The following VAC14 variants were observed in gnomAD, a reference collection of about 807,000 sequenced individuals.
VAC14 encodes VAC14 component of PIKFYVE complex.
A neutral mutation model predicts 85.3 loss-of-function variants in VAC14; 47 were observed. That is an observed-to-expected ratio of 0.55 (90% confidence interval 0.44 to 0.70). The LOEUF is 0.70. Among genes scored for constraint, VAC14 ranks in the 30% least tolerant of loss-of-function variants. VAC14 has a pLI of 0.00. For synonymous variants in VAC14, 447 were observed against 430.5 expected (o/e 1.04, Z -0.47); for missense variants, 861 against 1,004.3 (o/e 0.86, Z 1.93).
chr16:70,757,840 T>C (rs1163299395), intron 12 of VAC14, among the ~76,000 whole-genome samples: 1 of 152,222 alleles, frequency 6.6e-6, no homozygotes, highest in Non-Finnish European at 1.5e-5. Flanking sequence ...TTCATCCTTA[T>C]AACAAACCTG....
intron 12 of VAC14, among the ~76,000 whole-genome samples, chr16:70,754,806 A>G (rs1258448102): frequency 6.6e-6 from 1 of 152,068 alleles, no homozygotes; most frequent in Non-Finnish European, 1.5e-5. Flanking sequence ...GTGGGGGTGG[A>G]GGGGTGTTTT....
At chr16:70,756,200 C>A (rs534302886) in intron 12 of VAC14, 3 of 425,450 alleles carry the variant, frequency 7.1e-6, no homozygotes, top group East Asian at 7.0e-5. Flanking sequence ...GGCAGCCTCA[C>A]CCCAGCTCTG....
chr16:70,706,783 C>T (rs1381288533), intron 14 of VAC14, among the ~76,000 whole-genome samples: 19 of 152,232 alleles, frequency 1.2e-4, no homozygotes, highest in Admixed American at 1.2e-3. Context: ...TGAACCACCA[C>T]GCCTGGATAG....
intron 14 of VAC14, chr16:70,731,246 G>A: frequency 8.1e-7 from 1 of 1,239,020 alleles, no homozygotes; most frequent in Non-Finnish European, 1.0e-6. Context: ...GGGGAAGATA[G>A]TAACTCAGGA....
At chr16:70,772,329 C>A in intron 9 of VAC14, 157 bp from the exon 10 acceptor site, 1 of 611,224 alleles carries the variant, frequency 1.6e-6, no homozygotes, top group Admixed American at 2.9e-5. Context: ...AGGACCCAAC[C>A]AACGCCCAGT....
At chr16:70,764,758 C>G (rs530747481) in intron 10 of VAC14, among the ~76,000 whole-genome samples, 1 of 152,190 alleles carries the variant, frequency 6.6e-6, no homozygotes, top group Non-Finnish European at 1.5e-5. Flanking sequence ...TTCACCGTTA[C>G]GGTGCACCTC....
At chr16:70,757,248 G>T (rs1461766272) in intron 12 of VAC14, among the ~76,000 whole-genome samples, 1 of 152,240 alleles carries the variant, frequency 6.6e-6, no homozygotes, top group Admixed American at 6.5e-5. Context: ...CGATCTCAAA[G>T]GTTTTGCTTT....
intron 12 of VAC14, among the ~76,000 whole-genome samples, chr16:70,760,232 G>C (rs2032215199): frequency 6.6e-6 from 1 of 152,130 alleles, no homozygotes; most frequent in South Asian, 2.1e-4. Flanking sequence ...TCATAGTCTT[G>C]AATCCCAGGG....
chr16:70,694,182 G>A (rs941907941), intron 17 of VAC14, among the ~76,000 whole-genome samples: 4 of 152,244 alleles, frequency 2.6e-5, no homozygotes, highest in Non-Finnish European at 4.4e-5. Context: ...GGCTTGAGGA[G>A]AAGGTGCTTG....
At chr16:70,758,033 G>A (rs1158691439) in intron 12 of VAC14, among the ~76,000 whole-genome samples, 2 of 152,144 alleles carry the variant, frequency 1.3e-5, no homozygotes, top group Non-Finnish European at 2.9e-5. Flanking sequence ...AACCAGAGAG[G>A]GAAGTCATTC....
chr16:70,716,927 C>G (rs1332803367), intron 14 of VAC14: 2 of 152,254 alleles, frequency 1.3e-5, no homozygotes, highest in African/African-American at 4.8e-5. Flanking sequence ...TCCCACTTTC[C>G]TGCAGGAAGG....
chr16:70,767,634 C>G (rs1271262851), intron 10 of VAC14, among the ~76,000 whole-genome samples: 8 of 152,164 alleles, frequency 5.3e-5, no homozygotes, highest in Admixed American at 1.3e-4. Flanking sequence ...GTGGAACTCT[C>G]CAACTGCAAC....
intron 13 of VAC14, among the ~76,000 whole-genome samples, chr16:70,740,003 C>T (rs1371338091): frequency 6.6e-6 from 1 of 152,066 alleles, no homozygotes; most frequent in African/African-American, 2.4e-5. Context: ...CTCTGTTGCC[C>T]AGGCTAGTGT....
In VAC14 at chr16:70,767,835, C is replaced by T. The variant is rs181954342; in HGVS notation, c.1160+4274G>A. ...GCTAAAGTGTGTAAAGTGCTTTCTG[C>T]GGCCCAGGCACCATGCTATGTTCTT... On this transcript the variant is annotated intron_variant, in intron 10 of 18. Transcript: ENST00000261776. 9.5e-4 allele frequency among the ~76,000 whole-genome samples: 145 copies of T among 152,254 alleles called. 1 individual carries two copies. Among genetic ancestry groups the T allele is most frequent in the South Asian group, 1.0e-3 (5 of 4,814 alleles).
At chr16:70,702,393 G>A (rs906282735) in intron 14 of VAC14, among the ~76,000 whole-genome samples, 3 of 152,180 alleles carry the variant, frequency 2.0e-5, no homozygotes, top group Non-Finnish European at 4.4e-5. Flanking sequence ...ACCACAAGAG[G>A]GAAAGGGAGA....
At chr16:70,744,708 G>A (rs1397247076) in intron 12 of VAC14, 129 bp from the exon 13 acceptor site, 2 of 1,168,824 alleles carry the variant, frequency 1.7e-6, no homozygotes, top group Non-Finnish European at 1.2e-6. Flanking sequence ...CAGCAGGCTG[G>A]GAAGAGCCAC....
At chr16:70,782,889 G>A in intron 7 of VAC14, 144 bp downstream of exon 7, 3 of 755,640 alleles carry the variant, frequency 4.0e-6, no homozygotes, top group East Asian at 2.5e-5. Context: ...CTCTCCCAGG[G>A]CCCACTGTCA....
intron 1 of VAC14, among the ~76,000 whole-genome samples, chr16:70,789,508 C>G (rs527840372): frequency 6.6e-6 from 1 of 152,172 alleles, no homozygotes; most frequent in Non-Finnish European, 1.5e-5. Flanking sequence ...ACATCTGGGG[C>G]ATTGGTGGTT....
chr16:70,743,528 C>T (rs1415689286), intron 13 of VAC14, among the ~76,000 whole-genome samples: 2 of 152,214 alleles, frequency 1.3e-5, no homozygotes, highest in Non-Finnish European at 2.9e-5. Flanking sequence ...TTCTTGAAGT[C>T]AGCAAGACCA....
Sources: gnomAD v4.1 joint callset for allele counts (sites outside exome capture counted in the v4.1 genomes callset) on GRCh38, gnomAD v4.1.1 for gene constraint, MANE v1.5 for transcripts, NCBI Gene and HGNC (gene_info 2026-07-23, HGNC 2026-07-21) for gene names.